LIN28B: variants seen among roughly 807,000 people sequenced by gnomAD.
LIN28B encodes the protein protein lin-28 homolog B.
In LIN28B, 5 loss-of-function variants were observed where a neutral mutation model predicts 21.9. The ratio of observed to expected loss-of-function variants is 0.23; its 90% CI spans 0.12 to 0.48. The LOEUF is 0.48. Ranked by LOEUF, LIN28B falls within the 20% of genes least tolerant of loss-of-function variation. The probability of loss-of-function intolerance (pLI) is 0.98; values close to 1 mark genes in which losing one functional copy is unlikely to be tolerated. For missense variants in LIN28B, 245 were observed against 310.5 expected (o/e 0.79, Z 1.58); for synonymous variants, 109 against 111.3 (o/e 0.98, Z 0.13).
chr6:105,019,340 T>A (rs188811289), intron 2 of LIN28B, among the ~76,000 whole-genome samples: 332 of 152,286 alleles, frequency 2.2e-3, no homozygotes, highest in Non-Finnish European at 3.7e-3. Context: ...GTCCAGTGGG[T>A]AGAGAGCCAG....
chr6:104,975,116 A>G (rs975659315), intron 2 of LIN28B, among the ~76,000 whole-genome samples: 30 of 152,180 alleles, frequency 2.0e-4, no homozygotes, highest in African/African-American at 7.0e-4. Flanking sequence ...CACCGCGCCC[A>G]GCCCTGGATA....
At chr6:105,066,076 G>A (rs1009604262) in intron 3 of LIN28B, among the ~76,000 whole-genome samples, 4 of 152,186 alleles carry the variant, frequency 2.6e-5, no homozygotes, top group African/African-American at 9.6e-5. Flanking sequence ...GGGAGGCTGA[G>A]GCAAGAGGAT....
intron 3 of LIN28B, among the ~76,000 whole-genome samples, chr6:105,054,256 C>G (rs1771978429): frequency 6.6e-6 from 1 of 152,036 alleles, no homozygotes; most frequent in African/African-American, 2.4e-5. Flanking sequence ...TTCTGTTTTT[C>G]TCATTTGGTT....
chr6:105,051,548 A>C (rs1259434849), intron 3 of LIN28B, among the ~76,000 whole-genome samples: 1 of 150,674 alleles, frequency 6.6e-6, no homozygotes, highest in Non-Finnish European at 1.5e-5. Context: ...TTTTTTTTTA[A>C]GTTTCAAATA....
intron 3 of LIN28B, among the ~76,000 whole-genome samples, chr6:105,069,389 G>A (rs1449722459): frequency 6.6e-6 from 1 of 152,100 alleles, no homozygotes; most frequent in Non-Finnish European, 1.5e-5. Flanking sequence ...ATTGTTAATT[G>A]GTAATGATGG....
chr6:105,037,803 G>A (rs1206737335), intron 3 of LIN28B, among the ~76,000 whole-genome samples: 8 of 151,850 alleles, frequency 5.3e-5, no homozygotes, highest in Admixed American at 2.6e-4. Context: ...GAGCTACTGC[G>A]CCCGGCCAAG....
intron 3 of LIN28B, among the ~76,000 whole-genome samples, chr6:105,061,020 T>C (rs151189955): frequency 2.2e-3 from 340 of 152,200 alleles, no homozygotes; most frequent in Non-Finnish European, 3.7e-3. Context: ...ATCAGTAAGG[T>C]AGAAAGAAAA....
At chr6:105,026,137 A>G (rs988631590) in intron 2 of LIN28B, among the ~76,000 whole-genome samples, 161 bp from the exon 3 acceptor site, 1 of 152,202 alleles carries the variant, frequency 6.6e-6, no homozygotes, top group Non-Finnish European at 1.5e-5. Context: ...GTATTGCAAA[A>G]AGAAACTTTA....
intron 2 of LIN28B, among the ~76,000 whole-genome samples, chr6:104,974,079 C>A (rs899000318): frequency 6.6e-6 from 1 of 152,120 alleles, no homozygotes; most frequent in Non-Finnish European, 1.5e-5. Context: ...CAGACTGACT[C>A]ATAAAATAGG....
chr6:105,014,171 A>G (rs1333893077), intron 2 of LIN28B, among the ~76,000 whole-genome samples: 3 of 152,238 alleles, frequency 2.0e-5, no homozygotes, highest in Admixed American at 1.3e-4. Context: ...TTTTTAAGAC[A>G]GAATCTCACT....
At chr6:104,982,041 G>T (rs551518231) in intron 2 of LIN28B, among the ~76,000 whole-genome samples, 1 of 152,090 alleles carries the variant, frequency 6.6e-6, no homozygotes, top group Non-Finnish European at 1.5e-5. Context: ...GGGCTTGGGC[G>T]CAGTGGCTCA....
chr6:105,043,640 T>G (rs1771688320), intron 3 of LIN28B, among the ~76,000 whole-genome samples: 1 of 151,762 alleles, frequency 6.6e-6, no homozygotes, highest in South Asian at 2.1e-4. Flanking sequence ...TGGAGTGCAG[T>G]GGCAGGATCT....
At chr6:104,965,468 A>T (rs543126637) in intron 2 of LIN28B, among the ~76,000 whole-genome samples, 2 of 152,316 alleles carry the variant, frequency 1.3e-5, no homozygotes, top group Admixed American at 1.3e-4. Context: ...GGCCACAATG[A>T]GCTGAGATCA....
rs1182694629 is a variant in LIN28B, at chr6:105,082,293, ACTTTTTTTATT to A, written c.*3513_*3523del. On this transcript the variant is annotated 3_prime_UTR_variant, in exon 4 of 4. Coordinates refer to ENST00000345080, the MANE Select transcript of LIN28B (RefSeq NM_001004317.4). The stretch of plus-strand genomic sequence containing the variant: ...TCAGTCCACCTCCAATATTGCCGAT[ACTTTTTTTATT>A]CTGGCTCAGTTTTATTTTGCACCAG... 3.9e-5 allele frequency: 6 copies of A among 152,608 alleles called. 1 individual carries two copies. Among genetic ancestry groups the A allele is most frequent in the Non-Finnish European group, 8.8e-5 (6 of 68,018 alleles). 9.5% of individuals were successfully genotyped at this position (152,608 alleles called of 1,614,324 possible).
chr6:104,993,660 AC>A (rs1311810563), intron 2 of LIN28B, among the ~76,000 whole-genome samples: 1 of 151,442 alleles, frequency 6.6e-6, no homozygotes, highest in Non-Finnish European at 1.5e-5. Context: ...AGATGGTGAA[AC>A]CCTATCTCTA....
chr6:104,987,767 T>C lies in LIN28B; in HGVS notation c.198+29481T>C, dbSNP rs956018551. 2.0e-5 allele frequency among the ~76,000 whole-genome samples: 3 copies of C among 152,214 alleles called. No individual in the cohort carries two copies. The East Asian group carries it at 5.8e-4, about 29-fold the overall frequency. ...CAATACTCGTCTTTTTTCTTTTAGA[T>C]GGACTCTTGCTCTGTCCCCCAGGGT... On this transcript the variant is annotated intron_variant, in intron 2 of 3. Transcript: ENST00000345080.
intron 2 of LIN28B, among the ~76,000 whole-genome samples, chr6:104,967,307 T>C (rs1007155751): frequency 6.7e-6 from 1 of 148,378 alleles, no homozygotes; most frequent in Non-Finnish European, 1.5e-5. Flanking sequence ...TGGCTGGGCA[T>C]GGTGGCTCAT....
intron 3 of LIN28B, among the ~76,000 whole-genome samples, chr6:105,071,013 A>G (rs557015688): frequency 6.6e-6 from 1 of 152,200 alleles, no homozygotes; most frequent in East Asian, 1.9e-4. Context: ...AGTAGCTAAA[A>G]TTATAGGCAC....
At chr6:105,072,292 T>C (rs1431865391) in intron 3 of LIN28B, among the ~76,000 whole-genome samples, 1 of 152,170 alleles carries the variant, frequency 6.6e-6, no homozygotes, top group Non-Finnish European at 1.5e-5. Flanking sequence ...GATATTGTAG[T>C]TCCCAATTCA....
Sources: gnomAD v4.1 joint callset for allele counts (sites outside exome capture counted in the v4.1 genomes callset) on GRCh38, gnomAD v4.1.1 for gene constraint, MANE v1.5 for transcripts, NCBI Gene and HGNC (gene_info 2026-07-23, HGNC 2026-07-21) for gene names.